The following RGS7 variants were observed in gnomAD, a reference collection of about 807,000 sequenced individuals.
The protein encoded by RGS7 is regulator of G-protein signaling 7.
RGS7 carries 27 observed loss-of-function variants against 81.1 expected under a neutral mutation model. That is an observed-to-expected ratio of 0.33 (90% CI 0.25 to 0.46). The LOEUF (loss-of-function observed/expected upper bound fraction) is 0.46, where lower values mean the gene tolerates loss of function less well. Among genes scored for constraint, RGS7 ranks in the 20% least tolerant of loss-of-function variants. The probability of loss-of-function intolerance (pLI) is 1.00; values close to 1 mark genes in which losing one functional copy is unlikely to be tolerated. For synonymous variants in RGS7, 208 were observed against 207.7 expected, an observed-to-expected ratio of 1.00 and a Z score of -0.01; for missense variants, 396 against 607.4, an observed-to-expected ratio of 0.65 and a Z score of 3.66.
At chr1:241,168,228 A>G (rs1664213634) in intron 2 of RGS7, among the ~76,000 whole-genome samples, 1 of 152,216 alleles carries the variant, frequency 6.6e-6, no homozygotes, top group Admixed American at 6.5e-5. Flanking sequence ...AAATGGCACC[A>G]GCAAATATGG....
chr1:241,012,942 T>G (rs898031479), intron 3 of RGS7, among the ~76,000 whole-genome samples: 5 of 152,084 alleles, frequency 3.3e-5, no homozygotes, highest in African/African-American at 1.2e-4. Context: ...TTGCAATGCA[T>G]TCCTCTCTCA....
chr1:240,787,533 C>G (rs1185779752), intron 18 of RGS7, among the ~76,000 whole-genome samples: 3 of 152,134 alleles, frequency 2.0e-5, no homozygotes, highest in African/African-American at 7.2e-5. Flanking sequence ...GCTATTAGGG[C>G]AGTGGAATTC....
At chr1:240,823,425 A>C (rs2103165561) in intron 10 of RGS7, 1 of 380,652 alleles carries the variant, frequency 2.6e-6, no homozygotes, top group East Asian at 6.7e-5. Context: ...GGCAGGGCAG[A>C]TGCCTCACGT....
At chr1:240,971,455 T>A (rs1683197761) in intron 4 of RGS7, among the ~76,000 whole-genome samples, 1 of 152,140 alleles carries the variant, frequency 6.6e-6, no homozygotes, top group Admixed American at 6.6e-5. Context: ...AAAACTATAG[T>A]TCTTGCTCAT....
chr1:241,120,927 C>T (rs1176300807), intron 2 of RGS7, among the ~76,000 whole-genome samples: 1 of 152,156 alleles, frequency 6.6e-6, no homozygotes, highest in African/African-American at 2.4e-5. Flanking sequence ...CTGCTTCACA[C>T]TACAATTTGA....
intron 2 of RGS7, among the ~76,000 whole-genome samples, chr1:241,210,689 G>A (rs1199220858): frequency 6.6e-6 from 1 of 152,156 alleles, no homozygotes; most frequent in East Asian, 1.9e-4. Context: ...AAAGTACAAG[G>A]ATTAGATGTG....
rs774171559 is a variant in RGS7 at position 240,776,038 on chromosome 1, A to G, written c.*182T>C. ...TTGGAGATGGAATGTACACACAAAA[A>G]TAACAATTTAGGTCCTTTGCTCATG... On this transcript the variant is annotated 3_prime_UTR_variant, in exon 19 of 19. Coordinates refer to ENST00000440928, the MANE Select transcript of RGS7 (RefSeq NM_001364886.1). 1.5e-5 allele frequency: 12 copies of G among 789,406 alleles called. No individual in the cohort carries two copies. The highest frequency in any genetic ancestry group is 2.8e-5 in the Non-Finnish European group (12 of 434,642). 48.9% of individuals were successfully genotyped at this position (789,406 alleles called of 1,614,324 possible).
At chr1:240,934,138 A>T (rs1676185535) in intron 5 of RGS7, among the ~76,000 whole-genome samples, 1 of 152,010 alleles carries the variant, frequency 6.6e-6, no homozygotes, top group African/African-American at 2.4e-5. Context: ...TAATTTTTGT[A>T]TTTTTAGTAG....
intron 4 of RGS7, among the ~76,000 whole-genome samples, chr1:240,947,688 T>C (rs1264558021): frequency 6.6e-6 from 1 of 152,174 alleles, no homozygotes; most frequent in Non-Finnish European, 1.5e-5. Context: ...TTCAAACTAA[T>C]TTCATTCACA....
chr1:241,096,859 C>T (rs939239921), intron 3 of RGS7, among the ~76,000 whole-genome samples: 7 of 152,136 alleles, frequency 4.6e-5, no homozygotes, highest in African/African-American at 7.2e-5. Context: ...TGCCTCTAAG[C>T]AGGCCATACA....
At chr1:241,339,830 G>T (rs1242560919) in intron 2 of RGS7, among the ~76,000 whole-genome samples, 2 of 152,092 alleles carry the variant, frequency 1.3e-5, no homozygotes, top group South Asian at 4.1e-4. Flanking sequence ...CAGTGTAGGA[G>T]CCTGGGAGCT....
chr1:240,986,348 T>C (rs914558579), intron 3 of RGS7, among the ~76,000 whole-genome samples: 36 of 152,346 alleles, frequency 2.4e-4, no homozygotes, highest in African/African-American at 7.9e-4. Flanking sequence ...AATGCTCTTC[T>C]ATCTTCATCT....
At chr1:240,995,669 C>T (rs1687163388) in intron 3 of RGS7, among the ~76,000 whole-genome samples, 1 of 149,612 alleles carries the variant, frequency 6.7e-6, no homozygotes, top group African/African-American at 2.4e-5. Context: ...GTAGTCATTT[C>T]CCCTGCTTCA....
At chr1:240,931,461 A>ATT (rs1675425817) in intron 5 of RGS7, among the ~76,000 whole-genome samples, 1 of 152,326 alleles carries the variant, frequency 6.6e-6, no homozygotes, top group East Asian at 1.9e-4. Flanking sequence ...CAAAGAATAA[A>ATT]TGCTTGAGGG....
chr1:241,082,778 C>A (rs565689955), intron 3 of RGS7, among the ~76,000 whole-genome samples: 2 of 152,226 alleles, frequency 1.3e-5, no homozygotes, highest in East Asian at 3.9e-4. Flanking sequence ...TCCCAATTAC[C>A]CTGACTTGAT....
intron 2 of RGS7, among the ~76,000 whole-genome samples, chr1:241,259,667 A>AAAAAAAAAAAAAAT: frequency 6.1e-5 from 3 of 49,146 alleles, no homozygotes; most frequent in East Asian, 6.1e-4. Flanking sequence ...AAAAAAAAAA[A>AAAAAAAAAAAAAAT]ATATATATAT....
intron 6 of RGS7, chr1:240,920,306 A>C (rs1673295094): frequency 6.4e-6 from 9 of 1,415,716 alleles, no homozygotes; most frequent in Non-Finnish European, 7.9e-6. Flanking sequence ...TTGGTCGTGG[A>C]GGAAACTTCA....
chr1:240,806,615 C>T (rs958987664), intron 14 of RGS7, among the ~76,000 whole-genome samples: 1 of 151,426 alleles, frequency 6.6e-6, no homozygotes, highest in Non-Finnish European at 1.5e-5. Context: ...ACTCTCTCTT[C>T]TAAGTGTTTG....
At chr1:240,798,113 A>T (rs1043681145) in intron 18 of RGS7, among the ~76,000 whole-genome samples, 1 of 152,284 alleles carries the variant, frequency 6.6e-6, no homozygotes, top group East Asian at 1.9e-4. Flanking sequence ...TGTCTGTGAA[A>T]AAAGGTGATA....
Sources: gnomAD v4.1 joint callset for allele counts (sites outside exome capture counted in the v4.1 genomes callset) on GRCh38, gnomAD v4.1.1 for gene constraint, MANE v1.5 for transcripts, NCBI Gene and HGNC (gene_info 2026-07-23, HGNC 2026-07-21) for gene names.